Variants in TRIM14 observed in about 807,000 individuals in gnomAD.
The protein encoded by TRIM14 is tripartite motif-containing protein 14.
A neutral mutation model predicts 44.5 loss-of-function variants in TRIM14; 28 were observed. The observed-to-expected ratio is 0.63, with a 90% confidence interval of 0.47 to 0.86. The LOEUF is 0.86. TRIM14 is among the 40% of genes least tolerant of loss of function. TRIM14 has a pLI of 0.00. For synonymous variants in TRIM14, 299 were observed against 269.2 expected (o/e 1.11, Z -1.08); for missense variants, 607 against 611.1 (o/e 0.99, Z 0.07).
chr9:98,110,036 A>G, intron 1 of TRIM14, 52 bp from the exon 2 acceptor site: 2 of 1,404,542 alleles, frequency 1.4e-6, no homozygotes, highest in Non-Finnish European at 2.0e-6. Flanking sequence ...CTTTCCAAAT[A>G]ACAGGCCCCC....
the TRIM14 span, chr9:98,056,717 C>A: frequency 6.7e-7 from 1 of 1,494,786 alleles, no homozygotes. Context: ...GCGTGTGGGT[C>A]TCGCAGCGTT....
the TRIM14 span, among the ~76,000 whole-genome samples, chr9:98,036,663 G>A: frequency 6.6e-6 from 1 of 152,138 alleles, no homozygotes; most frequent in African/African-American, 2.4e-5. Flanking sequence ...TAGCCAGGGG[G>A]ATTGGGGGCT....
the TRIM14 span, chr9:98,060,867 C>G: frequency 6.8e-6 from 11 of 1,614,132 alleles, no homozygotes; most frequent in Non-Finnish European, 9.3e-6. Context: ...CCATACACCT[C>G]GAAGCATTCC....
At chr9:98,100,894 G>GGTCCA (rs1313356220) in intron 2 of TRIM14, among the ~76,000 whole-genome samples, 7 of 151,800 alleles carry the variant, frequency 4.6e-5, no homozygotes, top group African/African-American at 1.4e-4. Flanking sequence ...CAAAAGAGAA[G>GGTCCA]GTCCAGTTAA....
chr9:98,090,165 G>A (rs1042454915), intron 5 of TRIM14, among the ~76,000 whole-genome samples: 12 of 152,146 alleles, frequency 7.9e-5, no homozygotes, highest in African/African-American at 2.2e-4. Context: ...AATAAAGATC[G>A]GGGAAATGAA....
At chr9:98,052,410 A>G in the TRIM14 span, among the ~76,000 whole-genome samples, 26 of 151,962 alleles carry the variant, frequency 1.7e-4, no homozygotes, top group African/African-American at 6.3e-4. Context: ...AAACAAACAT[A>G]AAGGCTTTTT....
chr9:98,072,450 C>T (rs1355404840), intron 6 of TRIM14, among the ~76,000 whole-genome samples: 6 of 149,920 alleles, frequency 4.0e-5, no homozygotes, highest in African/African-American at 1.5e-4. Flanking sequence ...CTCGCTGTGT[C>T]GCCCAAGCTG....
chr9:98,062,317 AATGGCTCACAGG>A, the TRIM14 span, among the ~76,000 whole-genome samples: 2 of 151,986 alleles, frequency 1.3e-5, no homozygotes, highest in Admixed American at 6.6e-5. Flanking sequence ...TCCAGAAGGG[AATGGCTCACAGG>A]ATGGTCACCG....
chr9:98,048,359 C>T, the TRIM14 span, among the ~76,000 whole-genome samples: 1 of 152,100 alleles, frequency 6.6e-6, no homozygotes, highest in East Asian at 1.9e-4. Flanking sequence ...ACAAAGGGCT[C>T]CACTCTAAAG....
At chr9:98,062,162 G>A in the TRIM14 span, among the ~76,000 whole-genome samples, 1 of 151,314 alleles carries the variant, frequency 6.6e-6, no homozygotes, top group African/African-American at 2.4e-5. Flanking sequence ...GCCATGACTG[G>A]ACCACAGCAC....
intron 4 of TRIM14, 43 bp from the exon 5 acceptor site, chr9:98,092,044 A>G: frequency 6.7e-7 from 1 of 1,491,900 alleles, no homozygotes; most frequent in Non-Finnish European, 9.2e-7. Flanking sequence ...AGCTTATGCA[A>G]GCAGACAAAT....
chr9:98,094,799 G>A, intron 4 of TRIM14, 68 bp downstream of exon 4: 1 of 1,528,460 alleles, frequency 6.5e-7, no homozygotes. Context: ...GATGATCTTT[G>A]CATTCGTCTC....
the TRIM14 span, among the ~76,000 whole-genome samples, chr9:98,045,377 C>G: frequency 6.6e-6 from 1 of 152,190 alleles, no homozygotes; most frequent in Non-Finnish European, 1.5e-5. Flanking sequence ...AAAGGTTTCT[C>G]TGTACATCGT....
chr9:98,111,341 G>A lies in TRIM14; in HGVS notation c.208-1357C>T, dbSNP rs559004929. 2.0e-5 allele frequency among the ~76,000 whole-genome samples: 3 copies of A among 152,232 alleles called. No individual in the cohort carries two copies. The South Asian group carries it at 6.2e-4, about 32-fold the overall frequency. ...TAATCCCAGCTACTCAGGAGGCTGA[G>A]GTGGGAGGATCACTTAAGGCCAGGA... On this transcript the variant is annotated intron_variant, in intron 1 of 5. Coordinates refer to ENST00000341469, the MANE Select transcript of TRIM14 (RefSeq NM_014788.4).
chr9:98,093,259 C>T (rs1002632678), intron 4 of TRIM14, among the ~76,000 whole-genome samples: 1 of 152,180 alleles, frequency 6.6e-6, no homozygotes, highest in African/African-American at 2.4e-5. Context: ...CCAGCTCACT[C>T]CCATCGCGCC....
chr9:98,087,975 G>C lies in TRIM14; in HGVS notation c.824C>G (p.Thr275Arg). ...GGACAGGCGCAGGCGCGCGTGCATCGTGTCAGGATCCAGCGTGGGCGTGCG... is the reference window on the plus strand; with the variant it reads ...GGACAGGCGCAGGCGCGCGTGCATCCTGTCAGGATCCAGCGTGGGCGTGCG... ...YARTPTLDPD[T>R]MHARLRLSAD... The change falls in exon 6 of 6, where the codon ACG becomes AGG. Residue 275 changes from threonine to arginine, a missense_variant. Coordinates refer to ENST00000341469, the MANE Select transcript of TRIM14 (RefSeq NM_014788.4). 4 of 1,558,696 alleles carry C rather than the reference G, an allele frequency of 2.6e-6. No individual in the cohort carries two copies. The highest frequency in any genetic ancestry group is 3.4e-6 in the Non-Finnish European group (4 of 1,163,722).
the TRIM14 span, chr9:98,056,851 G>A: frequency 6.2e-7 from 1 of 1,612,198 alleles, no homozygotes. Flanking sequence ...CTGGGTGGGC[G>A]GGCAACACCC....
intron 6 of TRIM14, among the ~76,000 whole-genome samples, chr9:98,070,271 C>T (rs929317401): frequency 3.9e-5 from 6 of 152,122 alleles, no homozygotes; most frequent in Non-Finnish European, 7.4e-5. Flanking sequence ...GTGTATGCCA[C>T]CATGCCCAGC....
At chr9:98,114,150 C>T (rs377279292) in intron 1 of TRIM14, among the ~76,000 whole-genome samples, 33 of 152,174 alleles carry the variant, frequency 2.2e-4, no homozygotes, top group Middle Eastern at 3.4e-3. Context: ...TTTATAAAAG[C>T]GTATTATTAA....
Sources: allele counts gnomAD v4.1 joint callset (sites outside exome capture counted in the v4.1 genomes callset), GRCh38; gene constraint gnomAD v4.1.1; transcripts MANE v1.5; gene names NCBI Gene and HGNC (gene_info 2026-07-23, HGNC 2026-07-21).